Variants in NOVA1 observed in about 807,000 individuals in gnomAD.
NOVA1 encodes the protein NOVA alternative splicing regulator 1, also known as RNA-binding protein Nova-1.
Under a neutral mutation model 38.0 loss-of-function variants are expected in NOVA1, and 7 were observed. The ratio of observed to expected loss-of-function variants is 0.18; its 90% CI spans 0.10 to 0.35. NOVA1 has a LOEUF of 0.35. Ranked by LOEUF, NOVA1 falls within the 10% of genes least tolerant of loss-of-function variation. NOVA1 has a pLI of 1.00. For missense variants in NOVA1, 460 were observed against 616.0 expected (o/e 0.75, Z 2.68); for synonymous variants, 270 against 232.5 (o/e 1.16, Z -1.47).
At chr14:26,476,567 T>G (rs1221839283) in intron 3 of NOVA1, among the ~76,000 whole-genome samples, 1 of 152,150 alleles carries the variant, frequency 6.6e-6, no homozygotes, top group Non-Finnish European at 1.5e-5. Flanking sequence ...TCATTTCACC[T>G]TCCTAAAATA....
In NOVA1 at chr14:26,516,544, G is replaced by C. The variant is rs546621295; in HGVS notation, c.281-36401C>G. ...CATCTGTGACTGATTTTTGAGAACA[G>C]TGTCAGGTAGGAGCCAAGATACAAA... On this transcript the variant is annotated intron_variant, in intron 2 of 4. Transcript: ENST00000539517. 6.8e-4 allele frequency among the ~76,000 whole-genome samples: 103 copies of C among 152,302 alleles called. 1 individual carries two copies. Among genetic ancestry groups the C allele is most frequent in the African/African-American group, 2.3e-3 (96 of 41,570 alleles).
At chr14:26,483,496 AATC>A (rs958957408) in intron 2 of NOVA1, among the ~76,000 whole-genome samples, 1 of 152,236 alleles carries the variant, frequency 6.6e-6, no homozygotes, top group African/African-American at 2.4e-5. Context: ...AAATGGATAA[AATC>A]ATCAGATGAA....
At chr14:26,572,633 A>G (rs1053317308) in intron 2 of NOVA1, among the ~76,000 whole-genome samples, 1 of 151,952 alleles carries the variant, frequency 6.6e-6, no homozygotes, top group African/African-American at 2.4e-5. Flanking sequence ...CACAAGAACA[A>G]AGGAAGGGTC....
chr14:26,597,017 A>G, intron 1 of NOVA1: 1 of 1,272,710 alleles, frequency 7.9e-7, no homozygotes, highest in Non-Finnish European at 9.9e-7. Context: ...TTACATGGTC[A>G]ACCTCTGGAC....
intron 2 of NOVA1, among the ~76,000 whole-genome samples, chr14:26,586,117 G>C (rs1893500688): frequency 6.6e-6 from 1 of 151,246 alleles, no homozygotes; most frequent in Non-Finnish European, 1.5e-5. Context: ...CACATCAGTG[G>C]ACCTTAATCC....
intron 3 of NOVA1, among the ~76,000 whole-genome samples, chr14:26,474,007 T>C (rs1208888319): frequency 6.6e-6 from 1 of 152,072 alleles, no homozygotes; most frequent in African/African-American, 2.4e-5. Flanking sequence ...CTGAGACATA[T>C]GCTAATGACT....
intron 2 of NOVA1, among the ~76,000 whole-genome samples, chr14:26,554,658 T>C (rs536239215): frequency 7.2e-5 from 11 of 152,144 alleles, no homozygotes; most frequent in Admixed American, 1.3e-4. Context: ...TGGAGAAAAA[T>C]AAAACCACTC....
chr14:26,572,758 G>GTGTGTGTGTGTGTGTA (rs1566548665), intron 2 of NOVA1, among the ~76,000 whole-genome samples: 33 of 148,706 alleles, frequency 2.2e-4, no homozygotes, highest in Admixed American at 2.1e-3. Context: ...GTGTGTGTGT[G>GTGTGTGTGTGTGTGTA]TGTGTGTATG....
At chr14:26,579,205 G>A (rs530670761) in intron 2 of NOVA1, among the ~76,000 whole-genome samples, 1 of 151,692 alleles carries the variant, frequency 6.6e-6, no homozygotes, top group East Asian at 1.9e-4. Context: ...CTACAGGCGC[G>A]CGCCATCAAG....
intron 1 of NOVA1, chr14:26,596,923 C>A (rs1894227635): frequency 8.5e-7 from 1 of 1,179,618 alleles, no homozygotes; most frequent in East Asian, 5.7e-5. Context: ...AAACGCAGCG[C>A]GCATCTTCGG....
chr14:26,581,284 T>C (rs1893207333), intron 2 of NOVA1, among the ~76,000 whole-genome samples: 1 of 152,096 alleles, frequency 6.6e-6, no homozygotes, highest in African/African-American at 2.4e-5. Flanking sequence ...CCATTGCATA[T>C]TTTCCTCATA....
rs569252551 is a variant in NOVA1, at chr14:26,594,991, A to C, written c.280+419T>G. Among the ~76,000 whole-genome samples, 103 of 152,252 alleles carry C rather than the reference A, an allele frequency of 6.8e-4. 1 individual carries two copies. Among genetic ancestry groups the C allele is most frequent in the African/African-American group, 2.3e-3 (96 of 41,564 alleles). ...GCAGAAAGAGGTACATAATGGATTC[A>C]GAAGTAAATGGTCCATTCTTTAAGA... On this transcript the variant is annotated intron_variant, in intron 2 of 4. Transcript: ENST00000539517.
chr14:26,496,944 T>C (rs1476932726), intron 2 of NOVA1, among the ~76,000 whole-genome samples: 1 of 152,194 alleles, frequency 6.6e-6, no homozygotes, highest in African/African-American at 2.4e-5. Flanking sequence ...TCCAGCTTTG[T>C]TCTTTTGGCT....
In NOVA1 at chr14:26,480,158, T is replaced by C. The variant is rs531897612; in HGVS notation, c.281-15A>G. On this transcript the variant is annotated splice_polypyrimidine_tract_variant and intron_variant, in intron 2 of 4. Transcript: ENST00000539517. ...CTCAGTAGTACCTGTGGATAAAACA[T>C]TGATTTTCAGAAAATATTCCACACT... The C allele has an allele frequency of 5.1e-5, 81 of 1,586,040 alleles. 1 individual carries two copies. Among genetic ancestry groups the C allele is most frequent in the South Asian group, 4.5e-4 (39 of 87,526 alleles).
chr14:26,590,952 C>T (rs1234250161), intron 2 of NOVA1, among the ~76,000 whole-genome samples: 1 of 151,548 alleles, frequency 6.6e-6, no homozygotes, highest in Non-Finnish European at 1.5e-5. Flanking sequence ...CAAAATGATA[C>T]AAAAAGGAAT....
Position 26,595,556 on chromosome 14 carries a change from G to A in NOVA1, c.137-3C>T, listed in dbSNP as rs752057034. On this transcript the variant is annotated splice_polypyrimidine_tract_variant and splice_region_variant and intron_variant, in intron 1 of 4. Transcript: ENST00000539517. ...CTTTAGAAAATACTGGCCGTCTTCT[G>A]AAAAATGCAAAGAAATATACTCGGT... The A allele has an allele frequency of 6.2e-7, 1 of 1,610,748 alleles. No individual in the cohort carries two copies. The highest frequency in any genetic ancestry group is 1.1e-5 in the South Asian group (1 of 90,616).
intron 2 of NOVA1, among the ~76,000 whole-genome samples, chr14:26,567,468 T>G (rs1892205669): frequency 6.6e-6 from 1 of 151,762 alleles, no homozygotes; most frequent in African/African-American, 2.4e-5. Context: ...ATAATTCTGT[T>G]TATTTTTTGT....
intron 3 of NOVA1, among the ~76,000 whole-genome samples, chr14:26,475,530 C>A (rs1332666034): frequency 6.6e-6 from 1 of 152,042 alleles, no homozygotes; most frequent in African/African-American, 2.4e-5. Flanking sequence ...AAATTTTTTT[C>A]TACATTTTTC....
At chr14:26,471,251 C>T (rs144743498) in intron 4 of NOVA1, among the ~76,000 whole-genome samples, 1,936 of 151,934 alleles carry the variant, frequency 0.013, 27 homozygotes, top group Non-Finnish European at 0.019. Context: ...AATCTTTCTT[C>T]AGGTTGCAAA....
Sources: gnomAD v4.1 joint callset for allele counts (sites outside exome capture counted in the v4.1 genomes callset) on GRCh38, gnomAD v4.1.1 for gene constraint, MANE v1.5 for transcripts, NCBI Gene and HGNC (gene_info 2026-07-23, HGNC 2026-07-21) for gene names.